The following SLC47A2 variants were observed in gnomAD, a reference collection of about 807,000 sequenced individuals.
SLC47A2 encodes the protein multidrug and toxin extrusion protein 2.
In SLC47A2, 52 loss-of-function variants were observed where a neutral mutation model predicts 67.7. The ratio of observed to expected loss-of-function variants is 0.77; its 90% CI spans 0.61 to 0.97. The LOEUF (loss-of-function observed/expected upper bound fraction) is 0.97, where lower values mean the gene tolerates loss of function less well. SLC47A2 is among the 50% of genes least tolerant of loss of function. The probability of loss-of-function intolerance (pLI) is 0.00; values close to 1 mark genes in which losing one functional copy is unlikely to be tolerated. For missense variants in SLC47A2, 676 were observed against 712.3 expected (o/e 0.95, Z 0.58); for synonymous variants, 278 against 292.9 (o/e 0.95, Z 0.52).
rs2085236459 is a variant in SLC47A2 at position 19,678,467 on chromosome 17, G to A, written c.*219C>T. On this transcript the variant is annotated 3_prime_UTR_variant, in exon 17 of 17. Coordinates refer to ENST00000433844, the MANE Select transcript of SLC47A2 (RefSeq NM_001099646.3). ...TGATGTCTTCTGTAGAGCAGTCCAA[G>A]TCACAGAAGAAAACTCCAGCTTGAC... 3.4e-6 allele frequency: 2 copies of A among 584,382 alleles called. No homozygotes were observed. The highest frequency in any genetic ancestry group is 3.7e-5 in the African/African-American group (2 of 53,600). The allele number at this position is 584,382 out of a possible 1,614,324, so 36.2% of individuals were successfully genotyped here.
rs765744225 is a variant in SLC47A2, at chr17:19,705,421, C to T, written c.909+15G>A. On this transcript the variant is annotated intron_variant, in intron 10 of 16. Transcript: ENST00000433844. ...GGTGGGGGATGTGGGGAAGGCACCC[C>T]TGCAGGAGCCTTACCATGTAGGTCA... 4 of 1,606,650 alleles carry T rather than the reference C, an allele frequency of 2.5e-6. No individual in the cohort carries two copies. The highest frequency in any genetic ancestry group is 3.4e-6 in the Non-Finnish European group (4 of 1,176,826).
intron 4 of SLC47A2, among the ~76,000 whole-genome samples, chr17:19,713,413 A>AATAATAATAATC (rs1555543133): frequency 6.8e-6 from 1 of 147,762 alleles, no homozygotes; most frequent in African/African-American, 2.5e-5. Context: ...TAATAATAAT[A>AATAATAATAATC]ATCATCATCA....
intron 9 of SLC47A2, among the ~76,000 whole-genome samples, chr17:19,705,772 A>AT (rs1424600559): frequency 2.0e-5 from 3 of 151,774 alleles, no homozygotes; most frequent in South Asian, 2.1e-4. Flanking sequence ...TAATTTTTGT[A>AT]TTTTTTTGTA....
chr17:19,686,764 T>C (rs904753912), intron 13 of SLC47A2, among the ~76,000 whole-genome samples: 8 of 152,184 alleles, frequency 5.3e-5, no homozygotes, highest in Non-Finnish European at 1.2e-4. Context: ...TAAATATATA[T>C]GTACCCAACA....
Position 19,708,311 on chromosome 17 carries a change from A to T in SLC47A2, c.620T>A (p.Leu207Gln), listed in dbSNP as rs1269795023. ...CAGCCCCCGGGCTCACCTGACCCCC[A>T]GGTTCAGCACAGAAACCAGGGCATA... ...ANYALVSVLNLGVRGSAYANI... is the reference protein window; with the variant it reads ...ANYALVSVLNQGVRGSAYANI... Residue 207 changes from leucine (L) to glutamine (Q), a missense_variant, in exon 7 of 17, where the codon CTG becomes CAG. By Grantham distance (113) the Leu-to-Gln change is moderately radical (BLOSUM62 -2). Transcript: ENST00000433844. 8 of 1,612,882 alleles carry T rather than the reference A, an allele frequency of 5.0e-6. No homozygotes were observed. The highest frequency in any genetic ancestry group is 2.2e-5 in the South Asian group (2 of 91,020).
chr17:19,706,634 C>G lies in SLC47A2; in HGVS notation c.841+14G>C, dbSNP rs12942065. ...GCCCACACGCCATTGCGCCCCCCAT[C>G]CTCTTCCACGTACCCATGAGGAAGC... On this transcript the variant is annotated intron_variant, in intron 9 of 16. Transcript: ENST00000433844. The G allele has an allele frequency of 0.66, 1,029,658 of 1,565,744 alleles. 342,110 individuals are homozygous for G. Among genetic ancestry groups the G allele is most frequent in the East Asian group, 0.95 (39,872 of 41,844 alleles).
rs148419948 is a variant in SLC47A2, at chr17:19,694,819, G to A, written c.1164+7786C>T. ...TAGTCCCAGCTACTCAGGAGGCTGAGGCAGAAGAATCGCTTGAACCCGGGA... is the reference window on the plus strand; with the variant it reads ...TAGTCCCAGCTACTCAGGAGGCTGAAGCAGAAGAATCGCTTGAACCCGGGA... On this transcript the variant is annotated intron_variant, in intron 13 of 16. Coordinates refer to ENST00000433844, the MANE Select transcript of SLC47A2 (RefSeq NM_001099646.3). 5.5e-3 allele frequency among the ~76,000 whole-genome samples: 826 copies of A among 151,002 alleles called. 6 individuals carry two copies. Among genetic ancestry groups the A allele is most frequent in the Middle Eastern group, 0.017 (5 of 288 alleles).
chr17:19,702,209 G>C, intron 13 of SLC47A2: 2 of 985,310 alleles, frequency 2.0e-6, no homozygotes, highest in Non-Finnish European at 2.4e-6. Context: ...TGTTCTGGGT[G>C]GGCTCGTTCC....
chr17:19,712,552 C>T, intron 5 of SLC47A2, 151 bp downstream of exon 5: 1 of 722,238 alleles, frequency 1.4e-6, no homozygotes, highest in Admixed American at 2.5e-5. Context: ...TCAATTTGCA[C>T]CAACTGCAAC....
intron 13 of SLC47A2, among the ~76,000 whole-genome samples, chr17:19,696,795 T>C (rs1187598509): frequency 6.6e-6 from 1 of 152,212 alleles, no homozygotes; most frequent in Non-Finnish European, 1.5e-5. Flanking sequence ...GACTGAGTAA[T>C]TTATGATGAA....
chr17:19,699,922 T>C (rs2152347849), intron 13 of SLC47A2, among the ~76,000 whole-genome samples: 1 of 152,228 alleles, frequency 6.6e-6, no homozygotes, highest in East Asian at 1.9e-4. Flanking sequence ...AGTATTTCCA[T>C]ACAATGGAAC....
At chr17:19,693,611 A>AAAAAAT (rs138404603) in intron 13 of SLC47A2, among the ~76,000 whole-genome samples, 5 of 146,312 alleles carry the variant, frequency 3.4e-5, no homozygotes, top group East Asian at 4.0e-4. Context: ...TCTCTACTAA[A>AAAAAAT]AATAATAATA....
rs370426273 is a variant in SLC47A2, at chr17:19,713,832, C to T, written c.436G>A (p.Val146Met). 3 of 1,611,918 alleles carry T rather than the reference C, an allele frequency of 1.9e-6. No individual in the cohort carries two copies. The highest frequency in any genetic ancestry group is 3.3e-5 in the Admixed American group (2 of 59,966). Reference sequence around the variant, plus strand: ...AGCCGGAGCCCAGCGCACCTGGACACGTCCGGGTCCTGCCGGAAGAGCAGC... The same window carrying T: ...AGCCGGAGCCCAGCGCACCTGGACATGTCCGGGTCCTGCCGGAAGAGCAGC... ...ILLLFRQDPD[V>M]SRLTQDYVMI... Residue 146 changes from valine (V) to methionine (M), a missense_variant, in exon 4 of 17, where the codon GTG becomes ATG. Val to Met is a conservative substitution (Grantham distance 21). Coordinates refer to ENST00000433844, the MANE Select transcript of SLC47A2 (RefSeq NM_001099646.3).
In SLC47A2 at chr17:19,685,201, C is replaced by T. The variant is rs4925039; in HGVS notation, c.1165-3531G>A. On this transcript the variant is annotated intron_variant, in intron 13 of 16. Coordinates refer to ENST00000433844, the MANE Select transcript of SLC47A2 (RefSeq NM_001099646.3). The surrounding 1 kb of genome is among the most constrained non-coding windows in gnomAD (Gnocchi z 4.5). The stretch of plus-strand genomic sequence containing the variant: ...CGTGATCTCGGCTTGCTACAACCTC[C>T]ATCTCCCAGCTGCCTGCCTTGGCCT... Among the ~76,000 whole-genome samples, 40,682 of 151,876 alleles carry T rather than the reference C, an allele frequency of 0.27. 6,057 individuals carry two copies. Among genetic ancestry groups the T allele is most frequent in the East Asian group, 0.52 (2,664 of 5,122 alleles).
At chr17:19,699,584 G>A (rs1022491412) in intron 13 of SLC47A2, among the ~76,000 whole-genome samples, 12 of 147,444 alleles carry the variant, frequency 8.1e-5, no homozygotes, top group Non-Finnish European at 1.6e-4. Flanking sequence ...AAAAACTTTT[G>A]TAGAGATAGG....
chr17:19,705,513 A>G lies in SLC47A2; in HGVS notation c.842-10T>C. The G allele has an allele frequency of 6.3e-7, 1 of 1,582,836 alleles. No homozygotes were observed. The highest frequency in any genetic ancestry group is 8.6e-7 in the Non-Finnish European group (1 of 1,164,830). On this transcript the variant is annotated splice_polypyrimidine_tract_variant and intron_variant, in intron 9 of 16. Coordinates refer to ENST00000433844, the MANE Select transcript of SLC47A2 (RefSeq NM_001099646.3). Reference sequence around the variant, plus strand: ...ACCACACTGAGCAGCCCTAGAGAAGAGGCCCGCCGTGAGTCCGGCCCGCAG... The same window carrying G: ...ACCACACTGAGCAGCCCTAGAGAAGGGGCCCGCCGTGAGTCCGGCCCGCAG...
chr17:19,707,783 G>A lies in SLC47A2; in HGVS notation c.690C>T (p.Tyr230=), dbSNP rs1455818705. The A allele has an allele frequency of 6.2e-7, 1 of 1,603,090 alleles. No individual in the cohort carries two copies. The highest frequency in any genetic ancestry group is 2.3e-5 in the East Asian group (1 of 44,148). ...CCAGGTGCAGCTTCTTCAGCACAAT[G>A]TAGAGAAGGAGGAAGACGGTCTGTG... ...QFAQTVFLLL[Y]IVLKKLHLET... is the part of the protein sequence containing the mutation. Residue 230 remains tyrosine (Y), a synonymous_variant, in exon 8 of 17, where the codon TAC becomes TAT. Transcript: ENST00000433844.
chr17:19,696,473 AAAAAAT>A (rs895142339), intron 13 of SLC47A2, among the ~76,000 whole-genome samples: 1 of 150,050 alleles, frequency 6.7e-6, no homozygotes, highest in Non-Finnish European at 1.5e-5. Context: ...AAAAAAAAAA[AAAAAAT>A]AGAGAGAATT....
At chr17:19,680,935 C>CA (rs1404222490) in intron 15 of SLC47A2, among the ~76,000 whole-genome samples, 2 of 152,174 alleles carry the variant, frequency 1.3e-5, no homozygotes, top group Non-Finnish European at 2.9e-5. Flanking sequence ...TAATCCCCCA[C>CA]AAAACACCTG....
Sources: gnomAD v4.1 joint callset for allele counts (sites outside exome capture counted in the v4.1 genomes callset) on GRCh38, gnomAD v4.1.1 for gene constraint, Gnocchi (gnomAD v3.1) non-coding constraint, MANE v1.5 for transcripts, NCBI Gene and HGNC (gene_info 2026-07-23, HGNC 2026-07-21) for gene names.